The following IL1RAPL2 variants were observed in gnomAD, a reference collection of about 807,000 sequenced individuals.
The protein encoded by IL1RAPL2 is interleukin 1 receptor accessory protein like 2.
In IL1RAPL2, 3 loss-of-function variants were observed where a neutral mutation model predicts 44.1. The observed-to-expected ratio is 0.07, with a 90% CI of 0.03 to 0.18. The LOEUF (loss-of-function observed/expected upper bound fraction) is 0.18, where lower values mean the gene tolerates loss of function less well. Among genes scored for constraint, IL1RAPL2 ranks in the 10% least tolerant of loss-of-function variants. IL1RAPL2 has a pLI of 1.00. For synonymous variants in IL1RAPL2, 181 were observed against 178.8 expected (o/e 1.01, Z -0.10); for missense variants, 391 against 496.4 (o/e 0.79, Z 2.02).
intron 2 of IL1RAPL2, among the ~76,000 whole-genome samples, chrX:105,090,007 A>G (rs1201551300): frequency 8.9e-6 from 1 of 111,806 alleles, no homozygotes; most frequent in East Asian, 2.8e-4. Flanking sequence ...TTATTTTTAA[A>G]GTAGGGGGAT....
At chrX:105,247,806 CTCTCTCTCCCCACCT>C (rs1374830576) in intron 4 of IL1RAPL2, among the ~76,000 whole-genome samples, 18 of 110,160 alleles carry the variant, frequency 1.6e-4, no homozygotes, top group African/African-American at 5.3e-4. Flanking sequence ...TTTTCTTCCT[CTCTCTCTCCCCACCT>C]TCTCTCTTTG....
intron 2 of IL1RAPL2, among the ~76,000 whole-genome samples, chrX:104,930,307 T>A (rs1482743630): frequency 8.9e-6 from 1 of 112,410 alleles, no homozygotes; most frequent in African/African-American, 3.2e-5. Context: ...ATAGTATGAG[T>A]TGCTTACCTG....
At chrX:105,763,741 G>C (rs1046217435) in intron 10 of IL1RAPL2, among the ~76,000 whole-genome samples, 5 of 111,051 alleles carry the variant, frequency 4.5e-5, no homozygotes, top group Non-Finnish European at 9.4e-5. Flanking sequence ...CTAAGAGCCA[G>C]TCAGCTCTTA....
intron 2 of IL1RAPL2, among the ~76,000 whole-genome samples, chrX:105,078,264 A>T (rs1304186359): frequency 8.9e-6 from 1 of 111,896 alleles, no homozygotes; most frequent in East Asian, 2.8e-4. Context: ...CAGGACCCTT[A>T]GCTGCAGGTG....
chrX:105,201,692 C>T (rs1035921491), intron 3 of IL1RAPL2, among the ~76,000 whole-genome samples: 3 of 111,656 alleles, frequency 2.7e-5, no homozygotes, highest in East Asian at 5.7e-4. Context: ...CTTCCCATCG[C>T]GGTTACCTAG....
At chrX:104,864,219 A>G (rs1922559046) in intron 2 of IL1RAPL2, among the ~76,000 whole-genome samples, 3 of 112,268 alleles carry the variant, frequency 2.7e-5, no homozygotes, top group Middle Eastern at 4.7e-3. Flanking sequence ...TTTCAATTTT[A>G]TAGATTGATC....
chrX:104,577,627 A>G (rs973738020), intron 1 of IL1RAPL2, among the ~76,000 whole-genome samples: 6 of 111,113 alleles, frequency 5.4e-5, no homozygotes, highest in Admixed American at 3.8e-4. Flanking sequence ...GGGGACTGAT[A>G]ATTAAGGTAA....
chrX:104,612,699 T>C (rs1420963870), intron 1 of IL1RAPL2, among the ~76,000 whole-genome samples: 4 of 109,339 alleles, frequency 3.7e-5, no homozygotes, highest in Non-Finnish European at 7.7e-5. Flanking sequence ...AGTTTTTTTT[T>C]CTAGTTCTGT....
Position 104,855,681 on chromosome X carries a change from G to GTGTTTTTTTTTTTTTTTTTTTTTTTTT in IL1RAPL2, c.82+196687_82+196688insGTTTTTTTTTTTTTTTTTTTTTTTTTT. ...TTAACTGTGCTAAGGATCTGGATCC[G>GTGTTTTTTTTTTTTTTTTTTTTTTTTT]TTTTTTTTTTTTTTTTTACTGTATC... is the stretch of plus-strand genomic sequence containing the variant. On this transcript the variant is annotated intron_variant, in intron 2 of 10. Coordinates refer to ENST00000372582, the MANE Select transcript of IL1RAPL2 (RefSeq NM_017416.2). Among the ~76,000 whole-genome samples the GTGTTTTTTTTTTTTTTTTTTTTTTTTT allele has an allele frequency of 6.9e-4, 37 of 53,865 alleles. 11 individuals are homozygous for GTGTTTTTTTTTTTTTTTTTTTTTTTTT. Among genetic ancestry groups the GTGTTTTTTTTTTTTTTTTTTTTTTTTT allele is most frequent in the Non-Finnish European group, 1.2e-3 (29 of 24,623 alleles). The allele number at this position is 53,865 out of a possible 115,157, so 46.8% of individuals were successfully genotyped here. A position where few individuals can be genotyped will look rare whatever the true frequency, so the allele number is the denominator to read the frequency against.
intron 2 of IL1RAPL2, among the ~76,000 whole-genome samples, chrX:104,708,266 C>A (rs909551887): frequency 9.0e-6 from 1 of 111,477 alleles, no homozygotes; most frequent in Non-Finnish European, 1.9e-5. Context: ...TTTCTTTAGT[C>A]TTTTGCTTTC....
intron 2 of IL1RAPL2, among the ~76,000 whole-genome samples, chrX:104,995,297 T>C (rs999612222): frequency 1.8e-5 from 2 of 111,905 alleles, no homozygotes; most frequent in African/African-American, 6.5e-5. Context: ...TTTCTCACTA[T>C]TGTATCTTCA....
intron 2 of IL1RAPL2, among the ~76,000 whole-genome samples, chrX:104,913,895 T>C (rs1405864499): frequency 8.9e-6 from 1 of 112,272 alleles, no homozygotes; most frequent in Admixed American, 9.5e-5. Flanking sequence ...ACTTTAAAAA[T>C]AGGTTTTGGT....
intron 2 of IL1RAPL2, among the ~76,000 whole-genome samples, chrX:104,864,922 G>T (rs1416206178): frequency 1.8e-5 from 2 of 111,230 alleles, no homozygotes; most frequent in African/African-American, 6.6e-5. Context: ...TTAAAGTAAG[G>T]GCTTATGGAG....
intron 2 of IL1RAPL2, among the ~76,000 whole-genome samples, chrX:104,937,602 G>A (rs1925059415): frequency 8.9e-6 from 1 of 112,290 alleles, no homozygotes. Context: ...CTGCCTTCCA[G>A]CAACATCACT....
intron 2 of IL1RAPL2, among the ~76,000 whole-genome samples, chrX:104,802,455 G>A (rs998496361): frequency 6.4e-5 from 7 of 110,143 alleles, no homozygotes; most frequent in South Asian, 7.6e-4. Context: ...TGATTTGTAC[G>A]CTTTTTTTGT....
intron 5 of IL1RAPL2, among the ~76,000 whole-genome samples, chrX:105,319,808 A>G (rs1387102929): frequency 8.9e-6 from 1 of 112,123 alleles, no homozygotes; most frequent in Non-Finnish European, 1.9e-5. Flanking sequence ...TACACCCACA[A>G]GTGCATGGGA....
At chrX:105,155,661 G>A (rs1334337620) in intron 2 of IL1RAPL2, among the ~76,000 whole-genome samples, 1 of 111,136 alleles carries the variant, frequency 9.0e-6, no homozygotes, top group Non-Finnish European at 1.9e-5. Flanking sequence ...ACAGAGAGGG[G>A]GCCTGGTTAG....
At chrX:104,825,694 G>T (rs1432638655) in intron 2 of IL1RAPL2, among the ~76,000 whole-genome samples, 1 of 112,148 alleles carries the variant, frequency 8.9e-6, no homozygotes, top group African/African-American at 3.2e-5. Context: ...GTTAGTTTTA[G>T]TAATTTCCTA....
chrX:104,653,569 A>G (rs1368496740), intron 1 of IL1RAPL2, among the ~76,000 whole-genome samples: 1 of 110,345 alleles, frequency 9.1e-6, no homozygotes, highest in Non-Finnish European at 1.9e-5. Flanking sequence ...TTATTGATGG[A>G]GTTGGGGTGA....
Sources: gnomAD v4.1 joint callset for allele counts (sites outside exome capture counted in the v4.1 genomes callset) on GRCh38, gnomAD v4.1.1 for gene constraint, MANE v1.5 for transcripts, NCBI Gene and HGNC (gene_info 2026-07-23, HGNC 2026-07-21) for gene names.